Variants in SPATS2 observed in about 807,000 individuals in gnomAD.
SPATS2 encodes the protein spermatogenesis associated serine rich 2.
Under a neutral mutation model 63.7 loss-of-function variants are expected in SPATS2, and 38 were observed. That is an observed-to-expected ratio of 0.60 (90% CI 0.46 to 0.78). SPATS2 has a LOEUF of 0.78. Among genes scored for constraint, SPATS2 ranks in the 30% least tolerant of loss-of-function variants. The pLI is 0.00. For missense variants in SPATS2, 588 were observed against 666.2 expected (o/e 0.88, Z 1.29); for synonymous variants, 207 against 232.9 (o/e 0.89, Z 1.01).
At chr12:49,450,855 TG>T in intron 2 of SPATS2, among the ~76,000 whole-genome samples, 1 of 151,346 alleles carries the variant, frequency 6.6e-6, no homozygotes, top group Admixed American at 6.6e-5. Flanking sequence ...TTTTTTGTTT[TG>T]TTTTGTTTTG....
At position 49,498,815 on chromosome 12, in the gene SPATS2, T is replaced by C. The variant is rs201781984; in HGVS notation, c.704-1255T>C. 1.1e-4 allele frequency among the ~76,000 whole-genome samples: 9 copies of C among 78,802 alleles called. No homozygotes were observed. In the East Asian group the frequency reaches 2.1e-3, roughly 19 times the overall value. The allele number at this position is 78,802 out of a possible 152,430, so 51.7% of individuals were successfully genotyped here. A position where few individuals can be genotyped will look rare whatever the true frequency, so the allele number is the denominator to read the frequency against. On this transcript the variant is annotated intron_variant, in intron 8 of 13. Coordinates refer to ENST00000552918, the MANE Select transcript of SPATS2 (RefSeq NM_023071.4). ...ATTTTTTTTTTTTTTTTTTTTGAGA[T>C]GGAGTTTCACTCTTGTCACCCAGGC...
intron 2 of SPATS2, among the ~76,000 whole-genome samples, chr12:49,417,528 G>A (rs11169005): frequency 0.34 from 52,056 of 152,066 alleles, 12,645 homozygotes; most frequent in African/African-American, 0.69. Flanking sequence ...CACCTTATGT[G>A]GTGATCTGGC....
intron 2 of SPATS2, among the ~76,000 whole-genome samples, chr12:49,443,080 C>G (rs1945451093): frequency 6.6e-6 from 1 of 152,118 alleles, no homozygotes; most frequent in Non-Finnish European, 1.5e-5. Context: ...GTCAGAATTT[C>G]CTTCCTCTTT....
Position 49,500,290 on chromosome 12 carries a change from C to T in SPATS2, c.839+85C>T, listed in dbSNP as rs1032284412. The T allele has an allele frequency of 2.2e-6, 3 of 1,388,100 alleles. No homozygotes were observed. The Admixed American group carries it at 7.3e-5, about 34-fold the overall frequency. The allele number at this position is 1,388,100 out of a possible 1,614,324, so 86.0% of individuals were successfully genotyped here. ...TGGTCAGCCATTCCCCAAGTTCATT[C>T]ATTCATGACTAACTACATAGTAGGA... On this transcript the variant is annotated intron_variant, in intron 9 of 13. Coordinates refer to ENST00000552918, the MANE Select transcript of SPATS2 (RefSeq NM_023071.4).
At chr12:49,416,257 C>T (rs957021099) in intron 2 of SPATS2, among the ~76,000 whole-genome samples, 1 of 152,016 alleles carries the variant, frequency 6.6e-6, no homozygotes, top group African/African-American at 2.4e-5. Context: ...CCTTCCTCAC[C>T]AGCGTCTCTT....
Position 49,526,508 on chromosome 12 carries a change from G to T in SPATS2, c.*253G>T. 1 of 488,810 alleles carries T rather than the reference G, an allele frequency of 2.0e-6. No homozygotes were observed. Among genetic ancestry groups the T allele is most frequent in the Non-Finnish European group, 3.6e-6 (1 of 280,404 alleles). 30.3% of individuals were successfully genotyped at this position (488,810 alleles called of 1,614,324 possible). The stretch of plus-strand genomic sequence containing the variant: ...TTGGTCATTTCCACCAGGAATCAGA[G>T]GCAGCTGTTACCAGGTTTCGGCCTT... On this transcript the variant is annotated 3_prime_UTR_variant, in exon 14 of 14. Transcript: ENST00000552918.
upstream of SPATS2, chr12:49,367,044 G>C (rs2137112832): frequency 6.6e-6 from 1 of 152,318 alleles, no homozygotes; most frequent in Non-Finnish European, 1.5e-5. Context: ...CTCCGGTGGC[G>C]CGCGAGCCTG....
rs1344588652 is a variant in SPATS2 at position 49,428,036 on chromosome 12, A to G, written c.-243-32734A>G. Among the ~76,000 whole-genome samples, 3 of 152,064 alleles carry G rather than the reference A, an allele frequency of 2.0e-5. No homozygotes were observed. The East Asian group carries it at 5.8e-4, about 29-fold the overall frequency. Reference sequence around the variant, plus strand: ...TTTGGGAGGCCGAGGTGGGCGGATCACGAGGTCAGGAGATCGAGACCATCC... The same window carrying G: ...TTTGGGAGGCCGAGGTGGGCGGATCGCGAGGTCAGGAGATCGAGACCATCC... On this transcript the variant is annotated intron_variant, in intron 2 of 13. Coordinates refer to ENST00000552918, the MANE Select transcript of SPATS2 (RefSeq NM_023071.4).
At chr12:49,466,286 C>A (rs954157330) in intron 3 of SPATS2, among the ~76,000 whole-genome samples, 8 of 151,980 alleles carry the variant, frequency 5.3e-5, no homozygotes, top group Non-Finnish European at 1.0e-4. Flanking sequence ...CTTCAGCCTC[C>A]TGAGTAGCTG....
chr12:49,494,692 G>T (rs1208773825), intron 6 of SPATS2, 49 bp from the exon 7 acceptor site: 3 of 1,460,362 alleles, frequency 2.1e-6, no homozygotes, highest in Non-Finnish European at 2.7e-6. Flanking sequence ...GGTTGTGGGG[G>T]AATCTTTTCT....
At chr12:49,469,931 C>G (rs1565738104) in intron 3 of SPATS2, among the ~76,000 whole-genome samples, 1 of 151,856 alleles carries the variant, frequency 6.6e-6, no homozygotes, top group South Asian at 2.1e-4. Context: ...CACTCTCTCC[C>G]TGAAAAATGT....
At chr12:49,437,484 G>A (rs1945334273) in intron 2 of SPATS2, among the ~76,000 whole-genome samples, 1 of 152,244 alleles carries the variant, frequency 6.6e-6, no homozygotes, top group Non-Finnish European at 1.5e-5. Flanking sequence ...AGGCAGCTGG[G>A]AGGTGGAGGT....
chr12:49,454,470 A>G (rs1040183073), intron 2 of SPATS2: 3 of 152,254 alleles, frequency 2.0e-5, no homozygotes, highest in African/African-American at 7.2e-5. Context: ...AAGTCTTTCA[A>G]CAGATGTAGA....
chr12:49,367,145 C>G (rs544562634), upstream of SPATS2: 1,959 of 159,224 alleles, frequency 0.012, 49 homozygotes, highest in African/African-American at 0.044. Flanking sequence ...CGCCTCTCCC[C>G]GATCTTCTCG....
chr12:49,460,321 G>A (rs1006535034), intron 2 of SPATS2, among the ~76,000 whole-genome samples: 27 of 151,846 alleles, frequency 1.8e-4, no homozygotes, highest in South Asian at 2.1e-4. Context: ...GGGCGTGGTG[G>A]TGCACGCCTG....
chr12:49,445,697 T>C (rs1945498539), intron 2 of SPATS2, among the ~76,000 whole-genome samples: 2 of 151,378 alleles, frequency 1.3e-5, no homozygotes, highest in Admixed American at 6.6e-5. Flanking sequence ...TTTAAAAATG[T>C]TTTTTGTAGA....
chr12:49,473,180 C>T (rs973257549), intron 3 of SPATS2, among the ~76,000 whole-genome samples: 5 of 151,910 alleles, frequency 3.3e-5, no homozygotes, highest in East Asian at 1.9e-4. Context: ...TTTGGGAGGC[C>T]GAGACAGGCA....
chr12:49,498,139 A>ATATATATAT (rs1555191141), intron 8 of SPATS2, among the ~76,000 whole-genome samples: 81 of 84,208 alleles, frequency 9.6e-4, no homozygotes, highest in African/African-American at 5.9e-3. Flanking sequence ...AGCCAAAAAA[A>ATATATATAT]AAAAAAATAT....
chr12:49,389,170 G>A (rs1470450612), intron 2 of SPATS2, among the ~76,000 whole-genome samples: 1 of 152,182 alleles, frequency 6.6e-6, no homozygotes, highest in Non-Finnish European at 1.5e-5. Flanking sequence ...AATGCTTTAA[G>A]TTGGAAGGAC....
Sources: allele counts gnomAD v4.1 joint callset (sites outside exome capture counted in the v4.1 genomes callset), GRCh38; gene constraint gnomAD v4.1.1; transcripts MANE v1.5; gene names NCBI Gene and HGNC (gene_info 2026-07-23, HGNC 2026-07-21).